The following OLA1 variants were observed in gnomAD, a reference collection of about 807,000 sequenced individuals.
OLA1 encodes Obg like ATPase 1.
A neutral mutation model predicts 48.4 loss-of-function variants in OLA1; 14 were observed. The ratio of observed to expected loss-of-function variants is 0.29; its 90% CI spans 0.19 to 0.45. OLA1 has a LOEUF of 0.45. Among genes scored for constraint, OLA1 ranks in the 20% least tolerant of loss-of-function variants. The pLI, the probability that OLA1 is intolerant of heterozygous loss-of-function variation, is 1.00. For synonymous variants in OLA1, 127 were observed against 150.4 expected (o/e 0.84, Z 1.14); for missense variants, 325 against 467.1 (o/e 0.70, Z 2.80).
intron 4 of OLA1, among the ~76,000 whole-genome samples, chr2:174,215,084 G>A (rs1332451536): frequency 6.6e-6 from 1 of 151,420 alleles, no homozygotes; most frequent in African/African-American, 2.4e-5. Context: ...AGCAAACTTC[G>A]GAAGAAAATA....
intron 7 of OLA1, among the ~76,000 whole-genome samples, chr2:174,100,376 A>T (rs1267786272): frequency 6.6e-6 from 1 of 152,096 alleles, no homozygotes; most frequent in Admixed American, 6.6e-5. Context: ...ATGTATATTT[A>T]TATATACCTA....
At chr2:174,119,553 A>C (rs1685862687) in intron 7 of OLA1, among the ~76,000 whole-genome samples, 1 of 152,122 alleles carries the variant, frequency 6.6e-6, no homozygotes, top group Admixed American at 6.5e-5. Context: ...TAGTAGCTGT[A>C]ATTTTTATAG....
chr2:174,092,431 G>A (rs778952344), intron 7 of OLA1, among the ~76,000 whole-genome samples: 1 of 152,152 alleles, frequency 6.6e-6, no homozygotes, highest in Non-Finnish European at 1.5e-5. Flanking sequence ...TTGGGAGGCA[G>A]AGGCAGGTGG....
intron 4 of OLA1, among the ~76,000 whole-genome samples, chr2:174,171,499 A>C (rs1051909137): frequency 1.3e-5 from 2 of 152,214 alleles, no homozygotes; most frequent in Non-Finnish European, 2.9e-5. Flanking sequence ...TTGGAAATAC[A>C]CAAACGTTTT....
At chr2:174,075,814 G>A (rs917472169) in intron 10 of OLA1, among the ~76,000 whole-genome samples, 2 of 152,048 alleles carry the variant, frequency 1.3e-5, no homozygotes, top group African/African-American at 4.8e-5. Flanking sequence ...TTCATTACAC[G>A]CTGTTTATGG....
intron 7 of OLA1, among the ~76,000 whole-genome samples, chr2:174,092,756 A>T (rs1022637193): frequency 6.6e-6 from 1 of 152,188 alleles, no homozygotes; most frequent in Non-Finnish European, 1.5e-5. Flanking sequence ...ATGCTTGTTT[A>T]GTTTAGAAAT....
intron 5 of OLA1, among the ~76,000 whole-genome samples, chr2:174,125,985 A>C (rs1417516802): frequency 6.6e-6 from 1 of 152,192 alleles, no homozygotes; most frequent in African/African-American, 2.4e-5. Flanking sequence ...ACAGCCAAGA[A>C]AAGACAACTT....
At chr2:174,079,243 C>G (rs1298709821) in intron 9 of OLA1, 153 bp from the exon 10 acceptor site, 1 of 551,456 alleles carries the variant, frequency 1.8e-6, no homozygotes, top group African/African-American at 2.0e-5. Flanking sequence ...ATTTTCAACA[C>G]TGGGTAGTAT....
At chr2:174,211,180 A>AAC (rs10563036) in intron 4 of OLA1, among the ~76,000 whole-genome samples, 82 of 148,772 alleles carry the variant, frequency 5.5e-4, no homozygotes, top group African/African-American at 1.6e-3. Flanking sequence ...TCCTCCCCAC[A>AAC]ACACACACAC....
intron 4 of OLA1, among the ~76,000 whole-genome samples, chr2:174,189,499 T>C (rs1446588546): frequency 6.6e-6 from 1 of 152,072 alleles, no homozygotes; most frequent in Non-Finnish European, 1.5e-5. Flanking sequence ...AGGCAATCCA[T>C]TAAAAAAATA....
At chr2:174,229,546 G>A in intron 2 of OLA1, 95 bp from the exon 3 acceptor site, 3 of 888,676 alleles carry the variant, frequency 3.4e-6, no homozygotes, top group South Asian at 1.7e-5. Flanking sequence ...AGATCCATGA[G>A]GAATATAAAA....
chr2:174,176,708 G>A (rs1687428683), intron 4 of OLA1, among the ~76,000 whole-genome samples: 1 of 152,070 alleles, frequency 6.6e-6, no homozygotes, highest in Non-Finnish European at 1.5e-5. Flanking sequence ...TACACCTAGA[G>A]AGACAAAGAG....
Position 174,114,337 on chromosome 2 carries a change from G to A in OLA1, c.728+8843C>T, listed in dbSNP as rs868072055. 1.0e-3 allele frequency among the ~76,000 whole-genome samples: 54 copies of A among 52,936 alleles called. 1 individual carries two copies. In the Middle Eastern group the frequency reaches 0.056, roughly 54 times the overall value. The allele number at this position is 52,936 out of a possible 152,430, so 34.7% of individuals were successfully genotyped here. On this transcript the variant is annotated intron_variant, in intron 7 of 10. Coordinates refer to ENST00000284719, the MANE Select transcript of OLA1 (RefSeq NM_013341.5). Reference sequence around the variant, plus strand: ...AGCCTGGGCGACAGAGCAAGACTCCGCCTCAAAAAAAAAAAAAAAAAAAAA... The same window carrying A: ...AGCCTGGGCGACAGAGCAAGACTCCACCTCAAAAAAAAAAAAAAAAAAAAA...
chr2:174,145,107 GA>G (rs1385383617), intron 4 of OLA1, among the ~76,000 whole-genome samples: 1 of 150,196 alleles, frequency 6.7e-6, no homozygotes, highest in African/African-American at 2.5e-5. Flanking sequence ...CTACCTCTCA[GA>G]GAATGCATAT....
intron 7 of OLA1, among the ~76,000 whole-genome samples, chr2:174,084,157 C>A (rs1307491639): frequency 6.6e-6 from 1 of 152,028 alleles, no homozygotes; most frequent in Non-Finnish European, 1.5e-5. Context: ...TAGAGCATCA[C>A]AAGCTTAATA....
At chr2:174,121,953 A>G (rs1476813160) in intron 7 of OLA1, among the ~76,000 whole-genome samples, 1 of 152,186 alleles carries the variant, frequency 6.6e-6, no homozygotes, top group East Asian at 1.9e-4. Context: ...TTCATACCAC[A>G]ATGAGAAGAT....
intron 3 of OLA1, among the ~76,000 whole-genome samples, chr2:174,224,301 G>T (rs2033866): frequency 0.13 from 19,409 of 152,090 alleles, 1,451 homozygotes; most frequent in East Asian, 0.21. Context: ...GTACCTATAC[G>T]GATTTTCATT....
At chr2:174,165,324 GAAAATAC>G (rs1335813424) in intron 4 of OLA1, among the ~76,000 whole-genome samples, 3 of 152,142 alleles carry the variant, frequency 2.0e-5, no homozygotes, top group Non-Finnish European at 4.4e-5. Flanking sequence ...TATGTTTAAG[GAAAATAC>G]ATCCAACTGA....
intron 7 of OLA1, among the ~76,000 whole-genome samples, chr2:174,111,015 A>G (rs1246108033): frequency 1.3e-5 from 2 of 152,220 alleles, no homozygotes; most frequent in Non-Finnish European, 2.9e-5. Context: ...TTTCTCTTAG[A>G]ATTATGATAA....
Sources: allele counts gnomAD v4.1 joint callset (sites outside exome capture counted in the v4.1 genomes callset), GRCh38; gene constraint gnomAD v4.1.1; transcripts MANE v1.5; gene names NCBI Gene and HGNC (gene_info 2026-07-23, HGNC 2026-07-21).